The following ABLIM3 variants were observed in gnomAD, a reference collection of about 807,000 sequenced individuals.
ABLIM3 encodes the protein actin-binding LIM protein 3.
A neutral mutation model predicts 109.5 loss-of-function variants in ABLIM3; 61 were observed. The observed-to-expected ratio is 0.56, with a 90% CI of 0.45 to 0.69. ABLIM3 has a LOEUF of 0.69. Ranked by LOEUF, ABLIM3 falls within the 30% of genes least tolerant of loss-of-function variation. ABLIM3 has a pLI of 0.00. For missense variants in ABLIM3, 796 were observed against 889.5 expected, an observed-to-expected ratio of 0.89 and a Z score of 1.34; for synonymous variants, 300 against 324.8, an observed-to-expected ratio of 0.92 and a Z score of 0.82.
chr5:149,244,670 C>G, intron 15 of ABLIM3: 2 of 600,196 alleles, frequency 3.3e-6, no homozygotes, highest in Non-Finnish European at 5.9e-6. Flanking sequence ...CCCTTCCCCT[C>G]TCTGGTGCTC....
At position 149,209,683 on chromosome 5, in the gene ABLIM3, C is replaced by A. The variant is rs1293894797; in HGVS notation, c.576-1043C>A. ...TCCCTGCAGAGCTACCCTCCCGCAC[C>A]CACAGAGTGAGAACCTGATTGAGCG... On this transcript the variant is annotated intron_variant, in intron 6 of 23. Coordinates refer to ENST00000309868, the MANE Select transcript of ABLIM3 (RefSeq NM_014945.5). Among the ~76,000 whole-genome samples the A allele has an allele frequency of 2.0e-5, 3 of 152,230 alleles. No individual in the cohort carries two copies. The East Asian group carries it at 5.8e-4, about 29-fold the overall frequency.
At chr5:149,177,798 A>G (rs147184853) in intron 2 of ABLIM3, among the ~76,000 whole-genome samples, 2,158 of 152,372 alleles carry the variant, frequency 0.014, 25 homozygotes, top group Middle Eastern at 0.02. Context: ...GTGAGGAGAC[A>G]TGGATTCAGA....
chr5:149,234,562 G>A (rs1762166877), intron 10 of ABLIM3, among the ~76,000 whole-genome samples: 1 of 151,844 alleles, frequency 6.6e-6, no homozygotes, highest in South Asian at 2.1e-4. Context: ...CTGGTCAAAT[G>A]GAAAAAAAGA....
chr5:149,160,377 A>T (rs1324613969), intron 2 of ABLIM3, among the ~76,000 whole-genome samples: 1 of 151,736 alleles, frequency 6.6e-6, no homozygotes, highest in East Asian at 1.9e-4. Context: ...GGAATCACTT[A>T]AACTGGGGAG....
chr5:149,258,154 C>A, intron 23 of ABLIM3, 137 bp from the exon 24 acceptor site: 1 of 637,162 alleles, frequency 1.6e-6, no homozygotes, highest in South Asian at 2.0e-5. Context: ...TCCCCAGGCT[C>A]AGGCACCATG....
chr5:149,193,910 T>C (rs1757725712), intron 3 of ABLIM3, among the ~76,000 whole-genome samples: 1 of 152,208 alleles, frequency 6.6e-6, no homozygotes, highest in Admixed American at 6.5e-5. Context: ...CCCTACTGTA[T>C]ATCATTCCCT....
intron 12 of ABLIM3, 34 bp from the exon 13 acceptor site, chr5:149,239,725 C>T (rs377434923): frequency 7.8e-6 from 12 of 1,547,466 alleles, no homozygotes; most frequent in Admixed American, 6.1e-5. Context: ...CACTTAACAG[C>T]CAGCCATGCT....
chr5:149,192,147 A>G lies in ABLIM3; in HGVS notation c.152-6072A>G, dbSNP rs1439451250. On this transcript the variant is annotated intron_variant, in intron 3 of 23. Transcript: ENST00000309868. Reference sequence around the variant, plus strand: ...GTGCTCACTGTCATGACTTCTGTTCAACATTTGGCCTGGAGGGTCCTAGAC... The same window carrying G: ...GTGCTCACTGTCATGACTTCTGTTCGACATTTGGCCTGGAGGGTCCTAGAC... Among the ~76,000 whole-genome samples the G allele has an allele frequency of 2.0e-5, 3 of 152,304 alleles. No homozygotes were observed. The East Asian group carries it at 5.8e-4, about 29-fold the overall frequency.
chr5:149,216,851 T>C (rs1760140487), intron 7 of ABLIM3, 108 bp from the exon 8 acceptor site: 6 of 988,058 alleles, frequency 6.1e-6, no homozygotes, highest in Non-Finnish European at 9.3e-6. Context: ...TTTAGGGCCA[T>C]GAAGATGCAA....
chr5:149,167,647 A>G (rs1352248944), intron 2 of ABLIM3, among the ~76,000 whole-genome samples: 2 of 152,240 alleles, frequency 1.3e-5, no homozygotes, highest in East Asian at 3.8e-4. Flanking sequence ...TGTAAACCAC[A>G]GTGTGCTAGG....
intron 4 of ABLIM3, among the ~76,000 whole-genome samples, chr5:149,199,405 C>T (rs1376872905): frequency 1.3e-5 from 2 of 152,196 alleles, no homozygotes; most frequent in Non-Finnish European, 2.9e-5. Flanking sequence ...ATAATCCCCT[C>T]GTGGAATTCA....
intron 2 of ABLIM3, among the ~76,000 whole-genome samples, chr5:149,154,228 C>T (rs1255558729): frequency 6.6e-6 from 1 of 152,196 alleles, no homozygotes; most frequent in African/African-American, 2.4e-5. Context: ...GGAAACAGCC[C>T]AGGGATCCCA....
At chr5:149,176,168 A>T (rs1755911010) in intron 2 of ABLIM3, among the ~76,000 whole-genome samples, 1 of 152,010 alleles carries the variant, frequency 6.6e-6, no homozygotes, top group South Asian at 2.1e-4. Flanking sequence ...GACCCAGCAC[A>T]CACACCTGTC....
At chr5:149,157,537 A>G in intron 2 of ABLIM3, among the ~76,000 whole-genome samples, 1 of 106,462 alleles carries the variant, frequency 9.4e-6, no homozygotes, top group Non-Finnish European at 1.7e-5. Context: ...CCTGAGAATG[A>G]CATATGACTT....
chr5:149,257,396 G>T (rs920810913), intron 23 of ABLIM3, among the ~76,000 whole-genome samples: 3 of 151,464 alleles, frequency 2.0e-5, no homozygotes, highest in Non-Finnish European at 4.4e-5. Context: ...CACCCAATTA[G>T]CTCATGTAAT....
At chr5:149,177,047 C>T (rs989636991) in intron 2 of ABLIM3, 1 of 152,176 alleles carries the variant, frequency 6.6e-6, no homozygotes, top group Non-Finnish European at 1.5e-5. Context: ...TAAGTGAAAC[C>T]GCTGGACCAA....
chr5:149,190,148 A>G (rs900719790), intron 3 of ABLIM3, among the ~76,000 whole-genome samples: 1 of 152,226 alleles, frequency 6.6e-6, no homozygotes, highest in African/African-American at 2.4e-5. Flanking sequence ...GAAATGCTCA[A>G]AACAGGCATA....
intron 2 of ABLIM3, among the ~76,000 whole-genome samples, chr5:149,176,268 G>A (rs1260124649): frequency 2.0e-5 from 3 of 152,136 alleles, no homozygotes; most frequent in East Asian, 1.9e-4. Flanking sequence ...CACCTGCCAG[G>A]GATGCTGAAT....
At chr5:149,251,258 T>C (rs1753894102) in intron 20 of ABLIM3, 101 bp from the exon 21 acceptor site, 1 of 1,323,860 alleles carries the variant, frequency 7.6e-7, no homozygotes, top group Non-Finnish European at 1.1e-6. Flanking sequence ...GAAGGCCCTA[T>C]GTCCCACAAG....
Sources: gnomAD v4.1 joint callset for allele counts (sites outside exome capture counted in the v4.1 genomes callset) on GRCh38, gnomAD v4.1.1 for gene constraint, MANE v1.5 for transcripts, NCBI Gene and HGNC (gene_info 2026-07-23, HGNC 2026-07-21) for gene names.